TNFSF8: variants seen among roughly 807,000 people sequenced by gnomAD.
The protein encoded by TNFSF8 is tumor necrosis factor ligand superfamily member 8.
A neutral mutation model predicts 22.0 loss-of-function variants in TNFSF8; 4 were observed. That is an observed-to-expected ratio of 0.18 (90% CI 0.09 to 0.42). TNFSF8 has a LOEUF of 0.42. Ranked by LOEUF, TNFSF8 falls within the 10% of genes least tolerant of loss-of-function variation. The pLI is 1.00. For synonymous variants in TNFSF8, 106 were observed against 112.5 expected, an observed-to-expected ratio of 0.94 and a Z score of 0.37; for missense variants, 233 against 281.8, an observed-to-expected ratio of 0.83 and a Z score of 1.24.
Position 114,930,259 on chromosome 9 carries a change from A to G in TNFSF8, c.45T>C (p.Pro15=). The G allele has an allele frequency of 6.2e-7, 1 of 1,603,022 alleles. No homozygotes were observed. Among genetic ancestry groups the G allele is most frequent in the Non-Finnish European group, 8.5e-7 (1 of 1,174,860 alleles). The part of the protein sequence containing the change: ...LQQALNGMAP[P]GDTAMHVPAG... ...CCGGCACATGCATGGCTGTGTCTCC[A>G]GGAGGGGCCATTCCGTTGAGTGCTT... is the stretch of plus-strand genomic sequence containing the variant. Residue 15 remains proline (P), a synonymous_variant, in exon 1 of 4, where the codon CCT becomes CCC. Transcript: ENST00000223795.
chr9:114,900,678 T>C (rs1293446018), downstream of TNFSF8, among the ~76,000 whole-genome samples: 1 of 152,138 alleles, frequency 6.6e-6, no homozygotes, highest in Non-Finnish European at 1.5e-5. Flanking sequence ...ATGGTCAATA[T>C]ATGATTCAGA....
intron 3 of TNFSF8, among the ~76,000 whole-genome samples, chr9:114,904,856 A>G (rs908454966): frequency 6.6e-6 from 1 of 152,218 alleles, no homozygotes; most frequent in Admixed American, 6.5e-5. Flanking sequence ...TGTCCAGGAG[A>G]ATCGCCATTA....
downstream of TNFSF8, chr9:114,901,077 G>A: frequency 2.0e-6 from 2 of 985,194 alleles, no homozygotes; most frequent in Non-Finnish European, 2.4e-6. Context: ...GGGTTCAGAG[G>A]GTAGGAGCAA....
At position 114,901,848 on chromosome 9, in the gene TNFSF8, G is replaced by T; in HGVS notation, c.*2083C>A. 2.1e-6 allele frequency: 2 copies of T among 945,528 alleles called. No homozygotes were observed. Among genetic ancestry groups the T allele is most frequent in the Non-Finnish European group, 2.5e-6 (2 of 793,554 alleles). 58.6% of individuals were successfully genotyped at this position (945,528 alleles called of 1,614,324 possible). A position where few individuals can be genotyped will look rare whatever the true frequency, so the allele number is the denominator to read the frequency against. ...TGACACAGCACACTGCTCAGCAGAT[G>T]ACTTAAAATTTTCCCTTAGCCATTT... On this transcript the variant is annotated 3_prime_UTR_variant, in exon 4 of 4. Transcript: ENST00000223795.
At chr9:114,908,084 T>A (rs961683956) in intron 2 of TNFSF8, among the ~76,000 whole-genome samples, 1 of 152,156 alleles carries the variant, frequency 6.6e-6, no homozygotes, top group Non-Finnish European at 1.5e-5. Flanking sequence ...ACCAGGCAAG[T>A]TTTTCCTTGT....
chr9:114,921,479 AG>A (rs1188825917), intron 1 of TNFSF8, among the ~76,000 whole-genome samples: 1 of 152,226 alleles, frequency 6.6e-6, no homozygotes, highest in Non-Finnish European at 1.5e-5. Context: ...AACAAAGGAT[AG>A]AAGAGCTCAT....
intron 2 of TNFSF8, among the ~76,000 whole-genome samples, chr9:114,908,182 G>T (rs902424280): frequency 3.3e-5 from 5 of 152,212 alleles, no homozygotes; most frequent in African/African-American, 1.2e-4. Flanking sequence ...TCAGGGCAGA[G>T]ACTCCTGTTT....
rs1388942592 is a variant in TNFSF8, at chr9:114,902,510, A to G, written c.*1421T>C. 1.0e-6 allele frequency: 1 copy of G among 985,334 alleles called. No individual in the cohort carries two copies. Among genetic ancestry groups the G allele is most frequent in the African/African-American group, 1.7e-5 (1 of 57,248 alleles). The allele number at this position is 985,334 out of a possible 1,614,324, so 61.0% of individuals were successfully genotyped here. A position where few individuals can be genotyped will look rare whatever the true frequency, so the allele number is the denominator to read the frequency against. On this transcript the variant is annotated 3_prime_UTR_variant, in exon 4 of 4. Transcript: ENST00000223795. ...TCGTCAGATGGTTTCCCAAACACCC[A>G]GATGGTCTCTTAGATTCTGGATGGT...
intron 2 of TNFSF8, among the ~76,000 whole-genome samples, chr9:114,917,530 A>C (rs576675514): frequency 1.3e-5 from 2 of 152,340 alleles, no homozygotes; most frequent in South Asian, 4.1e-4. Context: ...ACGACGTGTT[A>C]ATTAGTGACT....
At chr9:114,921,353 C>T (rs1827985481) in intron 1 of TNFSF8, among the ~76,000 whole-genome samples, 1 of 152,132 alleles carries the variant, frequency 6.6e-6, no homozygotes, top group Admixed American at 6.5e-5. Context: ...ATCTTTCAGT[C>T]CATCAAGCTA....
At chr9:114,908,508 C>T (rs1338530748) in intron 2 of TNFSF8, among the ~76,000 whole-genome samples, 2 of 152,180 alleles carry the variant, frequency 1.3e-5, no homozygotes, top group Admixed American at 1.3e-4. Flanking sequence ...CTCCTTACCC[C>T]TTATGGCAGG....
chr9:114,903,833 T>C lies in TNFSF8; in HGVS notation c.*98A>G, dbSNP rs758097302. ...ATACTATTTAATACCCTGTGTAGTT[T>C]GTCTTGGTCTAAAGTTTTCTTTTTG... On this transcript the variant is annotated 3_prime_UTR_variant, in exon 4 of 4. Transcript: ENST00000223795. The C allele has an allele frequency of 2.0e-6, 3 of 1,512,904 alleles. No individual in the cohort carries two copies. The highest frequency in any genetic ancestry group is 2.6e-6 in the Non-Finnish European group (3 of 1,137,542). 93.7% of individuals were successfully genotyped at this position (1,512,904 alleles called of 1,614,324 possible). A position where few individuals can be genotyped will look rare whatever the true frequency, so the allele number is the denominator to read the frequency against.
chr9:114,915,209 G>A (rs748352839), intron 2 of TNFSF8, among the ~76,000 whole-genome samples: 19 of 152,168 alleles, frequency 1.2e-4, no homozygotes, highest in South Asian at 1.0e-3. Context: ...AGCTGGGTTC[G>A]TTGGGGAAGG....
downstream of TNFSF8, among the ~76,000 whole-genome samples, chr9:114,897,979 A>T (rs1827674132): frequency 6.6e-6 from 1 of 150,950 alleles, no homozygotes; most frequent in East Asian, 1.9e-4. Context: ...CAATGTCCTT[A>T]TATAAAGAAT....
chr9:114,896,877 T>C (rs930459076), downstream of TNFSF8, among the ~76,000 whole-genome samples: 6 of 152,166 alleles, frequency 3.9e-5, no homozygotes, highest in Non-Finnish European at 8.8e-5. Context: ...GGCATTCTTA[T>C]CTCCTGAGCC....
intron 2 of TNFSF8, among the ~76,000 whole-genome samples, chr9:114,915,619 C>T (rs1827909401): frequency 6.6e-6 from 1 of 152,106 alleles, no homozygotes; most frequent in Non-Finnish European, 1.5e-5. Context: ...CTTGTATGAC[C>T]TTGGGCAAAT....
In TNFSF8 at chr9:114,903,818, AT is replaced by A; in HGVS notation, c.*112del. On this transcript the variant is annotated 3_prime_UTR_variant, in exon 4 of 4. Coordinates refer to ENST00000223795, the MANE Select transcript of TNFSF8 (RefSeq NM_001244.4). ...GACAGAAGGAGAAGTATACTATTTA[AT>A]ACCCTGTGTAGTTTGTCTTGGTCTA... is the stretch of plus-strand genomic sequence containing the variant. 4 of 1,502,078 alleles carry A rather than the reference AT, an allele frequency of 2.7e-6. No homozygotes were observed. The highest frequency in any genetic ancestry group is 2.6e-6 in the Non-Finnish European group (3 of 1,133,576). 93.0% of individuals were successfully genotyped at this position (1,502,078 alleles called of 1,614,324 possible).
Position 114,901,746 on chromosome 9 carries a change from A to G in TNFSF8, c.*2185T>C, listed in dbSNP as rs113636872. ...CTCTTCCAATGCCTGCTTCTCCCAA[A>G]GAATCTACTCACAGAAAGAGTTAAA... On this transcript the variant is annotated 3_prime_UTR_variant, in exon 4 of 4. Transcript: ENST00000223795. 184 of 985,396 alleles carry G rather than the reference A, an allele frequency of 1.9e-4. No individual in the cohort carries two copies. Among genetic ancestry groups the G allele is most frequent in the Middle Eastern group, 1.0e-3 (2 of 1,914 alleles). 61.0% of individuals were successfully genotyped at this position (985,396 alleles called of 1,614,324 possible). A position where few individuals can be genotyped will look rare whatever the true frequency, so the allele number is the denominator to read the frequency against.
In TNFSF8 at chr9:114,927,925, T is replaced by C. The variant is rs190628547; in HGVS notation, c.195+2184A>G. Reference sequence around the variant, plus strand: ...AGTCAGTCTACATTCCATCTTCCTATAGGAAACCCTTCCTGATAACTCAAG... The same window carrying C: ...AGTCAGTCTACATTCCATCTTCCTACAGGAAACCCTTCCTGATAACTCAAG... On this transcript the variant is annotated intron_variant, in intron 1 of 3. Transcript: ENST00000223795. 4.6e-5 allele frequency among the ~76,000 whole-genome samples: 7 copies of C among 152,278 alleles called. No individual in the cohort carries two copies. The East Asian group carries it at 9.6e-4, about 21-fold the overall frequency.
Sources: allele counts gnomAD v4.1 joint callset (sites outside exome capture counted in the v4.1 genomes callset), GRCh38; gene constraint gnomAD v4.1.1; transcripts MANE v1.5; gene names NCBI Gene and HGNC (gene_info 2026-07-23, HGNC 2026-07-21).